Variants in MTA2 observed in about 807,000 individuals in gnomAD.
MTA2 encodes the protein metastasis-associated protein MTA2.
A neutral mutation model predicts 87.1 loss-of-function variants in MTA2; 22 were observed. The ratio of observed to expected loss-of-function variants is 0.25; its 90% CI spans 0.18 to 0.36. The LOEUF (loss-of-function observed/expected upper bound fraction) is 0.36. Ranked by LOEUF, MTA2 falls within the 10% of genes least tolerant of loss-of-function variation. The pLI is 1.00. For synonymous variants in MTA2, 314 were observed against 310.1 expected, an observed-to-expected ratio of 1.01 and a Z score of -0.13; for missense variants, 542 against 853.2, an observed-to-expected ratio of 0.64 and a Z score of 4.54.
intron 2 of MTA2, 72 bp from the exon 3 acceptor site, chr11:62,600,331 CA>C: frequency 1.5e-6 from 2 of 1,335,362 alleles, no homozygotes; most frequent in Non-Finnish European, 2.1e-6. Flanking sequence ...CAGAAATGCA[CA>C]AAGAGACAAA....
intron 16 of MTA2, 33 bp downstream of exon 16, chr11:62,594,483 C>T (rs1464447703): frequency 1.2e-6 from 2 of 1,612,790 alleles, no homozygotes; most frequent in South Asian, 1.1e-5. Context: ...GCCCACCCAA[C>T]TCAATCTGGC....
At position 62,595,377 on chromosome 11, in the gene MTA2, T is replaced by C. The variant is rs1304475518; in HGVS notation, c.1370A>G (p.Gln457Arg). ...GGCAAGACGGGTCAGCTTTGTGGTC[T>C]GAAGCAGGAAAGTTTGTCTGTTCTT... is the stretch of plus-strand genomic sequence containing the variant. ...LAKNRQTFLLQTTKLTRLARR... is the reference protein window; with the variant it reads ...LAKNRQTFLLRTTKLTRLARR... The change falls in exon 14 of 18, where the codon CAG becomes CGG. Residue 457 changes from glutamine to arginine, a missense_variant. Coordinates refer to ENST00000278823, the MANE Select transcript of MTA2 (RefSeq NM_004739.4). This position sits in a 1 kb window ranked among gnomAD's most constrained non-coding sequence, Gnocchi z 4.9. The C allele has an allele frequency of 6.2e-7, 1 of 1,614,104 alleles. No individual in the cohort carries two copies. The highest frequency in any genetic ancestry group is 8.5e-7 in the Non-Finnish European group (1 of 1,180,044).
intron 6 of MTA2, 47 bp from the exon 7 acceptor site, chr11:62,597,759 C>T (rs1298172153): frequency 2.7e-6 from 4 of 1,495,560 alleles, no homozygotes; most frequent in African/African-American, 1.4e-5. Context: ...CAGGGGGGAA[C>T]AGTTGGTGTC....
rs1354672821 is a variant in MTA2, at chr11:62,598,375, C to T, written c.324G>A (p.Val108=). Residue 108 remains valine, a synonymous_variant, in exon 5 of 18, where the codon GTG becomes GTA. Coordinates refer to ENST00000278823, the MANE Select transcript of MTA2 (RefSeq NM_004739.4). ...AGATATCTGTCTCATTCAAGAGGGT[C>T]ACACTGCATTTCCCCCTATAGGAGA... ...PATHIRGKCS[V]TLLNETDILS... 1 of 1,614,140 alleles carries T rather than the reference C, an allele frequency of 6.2e-7. No homozygotes were observed. The highest frequency in any genetic ancestry group is 8.5e-7 in the Non-Finnish European group (1 of 1,180,022).
At position 62,594,393 on chromosome 11, in the gene MTA2, C is replaced by A; in HGVS notation, c.1707G>T (p.Gly569=). The change falls in exon 17 of 18, where the codon GGG becomes GGT. Residue 569 remains glycine (G), a synonymous_variant. Transcript: ENST00000278823. Reference sequence around the variant, plus strand: ...GCCTTCCATTGGCAGAGAAAGGAACCCCTGCCCCTGCCATCTGGAAAAGGG... The same window carrying A: ...GCCTTCCATTGGCAGAGAAAGGAACACCTGCCCCTGCCATCTGGAAAAGGG... ...KRAYETMAGA[G]VPFSANGRPL... is the part of the protein sequence containing the mutation. The A allele has an allele frequency of 6.2e-7, 1 of 1,614,160 alleles. No individual in the cohort carries two copies. Among genetic ancestry groups the A allele is most frequent in the South Asian group, 1.1e-5 (1 of 91,082 alleles).
At position 62,593,570 on chromosome 11, in the gene MTA2, A is replaced by T. The variant is rs896162603; in HGVS notation, c.*305T>A. Reference sequence around the variant, plus strand: ...TTTCACAAAGGGAGGCAAAATTTTTAAAAAATTAAAAAACCCTCCCCCCAA... The same window carrying T: ...TTTCACAAAGGGAGGCAAAATTTTTTAAAAATTAAAAAACCCTCCCCCCAA... On this transcript the variant is annotated 3_prime_UTR_variant, in exon 18 of 18. Coordinates refer to ENST00000278823, the MANE Select transcript of MTA2 (RefSeq NM_004739.4). 2.6e-5 allele frequency: 6 copies of T among 227,638 alleles called. No individual in the cohort carries two copies. The South Asian group carries it at 2.7e-4, about 10-fold the overall frequency. The allele number at this position is 227,638 out of a possible 1,614,324, so 14.1% of individuals were successfully genotyped here.
At chr11:62,594,727 G>C in intron 15 of MTA2, 93 bp from the exon 16 acceptor site, 1 of 1,209,344 alleles carries the variant, frequency 8.3e-7, no homozygotes, top group Non-Finnish European at 1.2e-6. Flanking sequence ...CAGTTTACCT[G>C]GGCATCCCCA....
intron 3 of MTA2, among the ~76,000 whole-genome samples, chr11:62,599,056 C>T (rs1942139547): frequency 6.6e-6 from 1 of 152,184 alleles, no homozygotes. Flanking sequence ...TCAGGAGACT[C>T]TTTGCTCTAA....
In MTA2 at chr11:62,593,943, G is replaced by A. The variant is rs778548131; in HGVS notation, c.1939C>T (p.Pro647Ser). The change falls in exon 18 of 18, where the codon CCC becomes TCC. Residue 647 changes from proline (P) to serine (S), a missense_variant. By Grantham distance (74) the Pro-to-Ser change is moderately conservative. This residue lies in a region of MTA2 where 269 missense variants were observed against 346.4 expected (regional missense o/e 0.78). Transcript: ENST00000278823. ...KVKPTLIAVRPPVPLPAPSHP... is the reference protein window; with the variant it reads ...KVKPTLIAVRSPVPLPAPSHP... ...GAGGGTGCAGGTAGAGGGACAGGGG[G>A]CCGCACTGCAATCAGCGTTGGCTTC... The A allele has an allele frequency of 2.4e-5, 39 of 1,614,090 alleles. No individual in the cohort carries two copies. The highest frequency in any genetic ancestry group is 3.1e-5 in the Non-Finnish European group (36 of 1,180,042).
chr11:62,594,831 T>C (rs757528028), intron 15 of MTA2, 150 bp downstream of exon 15: 14 of 886,586 alleles, frequency 1.6e-5, no homozygotes, highest in Non-Finnish European at 2.5e-5. Context: ...ACTGAATAGT[T>C]TACAAAAAAA....
chr11:62,596,596 T>C lies in MTA2; in HGVS notation c.882+41A>G, dbSNP rs375837358. ...GGCCCCAGGTCCTGGTTCCCTCACC[T>C]GTCATCTCTCCCACTTCTCCTCCTA... On this transcript the variant is annotated intron_variant, in intron 9 of 17. Coordinates refer to ENST00000278823, the MANE Select transcript of MTA2 (RefSeq NM_004739.4). 21 of 1,611,910 alleles carry C rather than the reference T, an allele frequency of 1.3e-5. No homozygotes were observed. In the East Asian group the frequency reaches 4.2e-4, roughly 32 times the overall value.
chr11:62,599,970 G>A (rs903584364), intron 3 of MTA2, among the ~76,000 whole-genome samples, 196 bp downstream of exon 3: 2 of 151,932 alleles, frequency 1.3e-5, no homozygotes, highest in African/African-American at 4.8e-5. Flanking sequence ...CCATATTATC[G>A]CTTTCCTTAT....
chr11:62,596,582 C>T, intron 9 of MTA2, 50 bp from the exon 10 acceptor site: 3 of 1,612,472 alleles, frequency 1.9e-6, no homozygotes, highest in Non-Finnish European at 2.5e-6. Context: ...GCCCCAGGTC[C>T]TGGTTCCCTC....
At position 62,598,551 on chromosome 11, in the gene MTA2, T is replaced by C. The variant is rs1444703090; in HGVS notation, c.279A>G (p.Gln93=). The change falls in exon 4 of 18, where the codon CAA becomes CAG. Residue 93 remains glutamine, a synonymous_variant. Coordinates refer to ENST00000278823, the MANE Select transcript of MTA2 (RefSeq NM_004739.4). ...LKHRELFLSR[Q]FESLPATHIR... ...TGTGGGTGGCTGGTAATGATTCAAA[T>C]TGCCGAGAAAGAAAAAGTTCCCGGT... is the stretch of plus-strand genomic sequence containing the variant. 2 of 1,614,162 alleles carry C rather than the reference T, an allele frequency of 1.2e-6. No homozygotes were observed. The highest frequency in any genetic ancestry group is 2.2e-5 in the East Asian group (1 of 44,888).
intron 1 of MTA2, 138 bp downstream of exon 1, chr11:62,601,285 C>CCCGGTT (rs911154429): frequency 1.4e-5 from 16 of 1,116,854 alleles, no homozygotes; most frequent in Middle Eastern, 2.7e-4. Flanking sequence ...CTCCTCGTCT[C>CCCGGTT]CCGGTTCCGG....
chr11:62,593,615 G>A lies in MTA2; in HGVS notation c.*260C>T, dbSNP rs1386012527. 5 of 430,964 alleles carry A rather than the reference G, an allele frequency of 1.2e-5. No individual in the cohort carries two copies. In the East Asian group the frequency reaches 2.2e-4, roughly 19 times the overall value. 26.7% of individuals were successfully genotyped at this position (430,964 alleles called of 1,614,324 possible). A position where few individuals can be genotyped will look rare whatever the true frequency, so the allele number is the denominator to read the frequency against. ...CCCCAAAACTGTCCAAGACATCTGT[G>A]GGTCCTACCCCCCAAAACAGGCTAG... On this transcript the variant is annotated 3_prime_UTR_variant, in exon 18 of 18. Transcript: ENST00000278823.
At chr11:62,596,156 GA>G (rs1331090866) in intron 11 of MTA2, 49 bp from the exon 12 acceptor site, 1 of 1,605,098 alleles carries the variant, frequency 6.2e-7, no homozygotes, top group African/African-American at 1.3e-5. Flanking sequence ...ACTGGTCAAG[GA>G]AAAGAATCAA....
intron 7 of MTA2, 41 bp downstream of exon 7, chr11:62,597,569 C>T (rs1942116167): frequency 1.3e-6 from 2 of 1,578,790 alleles, no homozygotes; most frequent in Non-Finnish European, 1.7e-6. Context: ...ACAATGTCCA[C>T]ACCTCCCCCA....
In MTA2 at chr11:62,601,791, A is replaced by T. The variant is rs1942211668; in HGVS notation, c.-341T>A. 1 of 504,374 alleles carries T rather than the reference A, an allele frequency of 2.0e-6. No homozygotes were observed. Among genetic ancestry groups the T allele is most frequent in the African/African-American group, 2.0e-5 (1 of 49,066 alleles). 31.2% of individuals were successfully genotyped at this position (504,374 alleles called of 1,614,324 possible). On this transcript the variant is annotated 5_prime_UTR_variant, in exon 1 of 18. Coordinates refer to ENST00000278823, the MANE Select transcript of MTA2 (RefSeq NM_004739.4). Reference sequence around the variant, plus strand: ...TCGTTGGGCTCTGCCGGCCGCAGGGAAGGCTTGCCGGGCCCGCCTCAGGGT... The same window carrying T: ...TCGTTGGGCTCTGCCGGCCGCAGGGTAGGCTTGCCGGGCCCGCCTCAGGGT...
Sources: gnomAD v4.1 joint callset for allele counts (sites outside exome capture counted in the v4.1 genomes callset) on GRCh38, gnomAD v4.1.1 for gene constraint, gnomAD v4.1.1 regional missense constraint, Gnocchi (gnomAD v3.1) non-coding constraint, MANE v1.5 for transcripts, NCBI Gene and HGNC (gene_info 2026-07-23, HGNC 2026-07-21) for gene names.